RAD51B: variants seen among roughly 807,000 people sequenced by gnomAD.
The protein encoded by RAD51B is RAD51 paralog B.
Under a neutral mutation model 42.2 loss-of-function variants are expected in RAD51B, and 38 were observed. That is an observed-to-expected ratio of 0.90 (90% CI 0.70 to 1.18). RAD51B has a LOEUF of 1.18. Among genes scored for constraint, RAD51B ranks in the 50% most tolerant of loss-of-function variants. The pLI is 0.00. For synonymous variants in RAD51B, 154 were observed against 145.2 expected (o/e 1.06, Z -0.43); for missense variants, 373 against 400.7 (o/e 0.93, Z 0.59).
At chr14:67,830,195 A>G (rs1015550526) in intron 3 of RAD51B, among the ~76,000 whole-genome samples, 1 of 152,194 alleles carries the variant, frequency 6.6e-6, no homozygotes, top group Non-Finnish European at 1.5e-5. Context: ...TCCAAGAGCA[A>G]TGGAAACTCA....
intron 8 of RAD51B, among the ~76,000 whole-genome samples, chr14:68,298,270 A>G (rs960806135): frequency 6.6e-6 from 1 of 152,200 alleles, no homozygotes; most frequent in Non-Finnish European, 1.5e-5. Context: ...AGGGAGAGGA[A>G]TGTGTTGAGG....
At chr14:68,107,323 A>G (rs1013347628) in intron 7 of RAD51B, among the ~76,000 whole-genome samples, 3 of 151,904 alleles carry the variant, frequency 2.0e-5, no homozygotes, top group Non-Finnish European at 4.4e-5. Flanking sequence ...TGAAAATTAT[A>G]AAACATTGTT....
rs1047802374 is a variant in RAD51B at position 68,456,891 on chromosome 14, T to G, written c.958-11281T>G. Among the ~76,000 whole-genome samples, 4 of 67,586 alleles carry G rather than the reference T, an allele frequency of 5.9e-5. No individual in the cohort carries two copies. The East Asian group carries it at 1.2e-3, about 21-fold the overall frequency. The allele number at this position is 67,586 out of a possible 152,430, so 44.3% of individuals were successfully genotyped here. On this transcript the variant is annotated intron_variant, in intron 9 of 10. Transcript: ENST00000471583. ...ATGATTTTTTTTTTTTTTTTTTTTT[T>G]TTTTTTTTTTTTTTTTTTTTTTTTT... is the stretch of plus-strand genomic sequence containing the variant.
intron 7 of RAD51B, among the ~76,000 whole-genome samples, chr14:68,175,796 C>G (rs544438955): frequency 6.6e-6 from 1 of 152,302 alleles, no homozygotes; most frequent in Non-Finnish European, 1.5e-5. Flanking sequence ...AATCACTCTA[C>G]CGCCTTTTAT....
intron 8 of RAD51B, among the ~76,000 whole-genome samples, chr14:68,396,480 A>G (rs1298660748): frequency 6.6e-6 from 1 of 152,240 alleles, no homozygotes; most frequent in Non-Finnish European, 1.5e-5. Flanking sequence ...TTCTATTTAG[A>G]AATGTCATAA....
intron 7 of RAD51B, among the ~76,000 whole-genome samples, chr14:68,216,984 G>C (rs2079828780): frequency 6.6e-6 from 1 of 152,194 alleles, no homozygotes; most frequent in African/African-American, 2.4e-5. Context: ...TTACCTCCCA[G>C]ACTCTAATTC....
intron 7 of RAD51B, among the ~76,000 whole-genome samples, chr14:68,118,040 A>AT (rs1284687557): frequency 6.6e-6 from 1 of 152,176 alleles, no homozygotes; most frequent in Non-Finnish European, 1.5e-5. Flanking sequence ...TTTGTTCTGC[A>AT]TTTTTTTCTT....
intron 7 of RAD51B, among the ~76,000 whole-genome samples, chr14:67,963,746 A>G (rs1030093965): frequency 6.6e-6 from 1 of 152,138 alleles, no homozygotes; most frequent in African/African-American, 2.4e-5. Flanking sequence ...GGCATTTCCC[A>G]TAGAATGTAG....
At chr14:68,012,172 A>G (rs372427770) in intron 7 of RAD51B, among the ~76,000 whole-genome samples, 1 of 152,176 alleles carries the variant, frequency 6.6e-6, no homozygotes, top group Non-Finnish European at 1.5e-5. Flanking sequence ...AGTTCAGGGA[A>G]GCTTGTACTT....
intron 7 of RAD51B, among the ~76,000 whole-genome samples, chr14:68,090,668 G>A (rs994633810): frequency 6.6e-6 from 1 of 150,804 alleles, no homozygotes; most frequent in African/African-American, 2.4e-5. Flanking sequence ...GTCTGGGTCT[G>A]TATGATTTTA....
rs1433752861 is a variant in RAD51B at position 67,904,928 on chromosome 14, T to A, written c.756+17724T>A. 4.1e-5 allele frequency among the ~76,000 whole-genome samples: 6 copies of A among 145,888 alleles called. No homozygotes were observed. The East Asian group carries it at 1.2e-3, about 28-fold the overall frequency. ...TCTCTTTCATTTAACTAGATCCTAT[T>A]TGTCAGTTTTTTTTTTTTTCAATTG... On this transcript the variant is annotated intron_variant, in intron 7 of 10. Transcript: ENST00000471583.
At chr14:67,956,081 T>A (rs1262097241) in intron 7 of RAD51B, among the ~76,000 whole-genome samples, 2 of 152,228 alleles carry the variant, frequency 1.3e-5, no homozygotes, top group Non-Finnish European at 2.9e-5. Context: ...GGTTGTCTGT[T>A]TTTTAGTTTT....
intron 8 of RAD51B, among the ~76,000 whole-genome samples, chr14:68,397,673 C>CGT (rs368101566): frequency 7.2e-5 from 11 of 151,832 alleles, no homozygotes; most frequent in South Asian, 4.2e-4. Flanking sequence ...GGACACCCCT[C>CGT]GTGTGTGTGT....
chr14:67,982,205 G>A (rs1419630486), intron 7 of RAD51B, among the ~76,000 whole-genome samples: 3 of 152,056 alleles, frequency 2.0e-5, no homozygotes, highest in Non-Finnish European at 4.4e-5. Context: ...AAAGTGCTGC[G>A]ATTACAGGCA....
intron 8 of RAD51B, among the ~76,000 whole-genome samples, chr14:68,329,232 T>C (rs2082301825): frequency 6.6e-6 from 1 of 152,182 alleles, no homozygotes; most frequent in Admixed American, 6.5e-5. Context: ...GGTCTCAAAC[T>C]CCTGGCCTCA....
At chr14:68,433,192 AT>A (rs1328742659) in intron 9 of RAD51B, among the ~76,000 whole-genome samples, 8 of 151,996 alleles carry the variant, frequency 5.3e-5, no homozygotes, top group Admixed American at 3.9e-4. Context: ...TTTTTCCTTT[AT>A]TTCAACTTTG....
intron 7 of RAD51B, among the ~76,000 whole-genome samples, chr14:68,259,906 C>A (rs4902561): frequency 0.011 from 1,668 of 152,256 alleles, 81 homozygotes; most frequent in East Asian, 0.1. Context: ...CCGGGCCAGG[C>A]ATGTGTTGGG....
rs150176553 is a variant in RAD51B at position 68,677,051 on chromosome 14, CT to C, written c.*11+26196del. ...TGAGGGGAGCCAGCTATGCTCCCCC[CT>C]GTCATAGATGAGGAAACTGAGGCTC... On this transcript the variant is annotated intron_variant, in intron 11 of 11. Coordinates refer to the RAD51B transcript ENST00000488612. Among the ~76,000 whole-genome samples the C allele has an allele frequency of 2.4e-3, 367 of 152,304 alleles. 2 individuals are homozygous for C. Among genetic ancestry groups the C allele is most frequent in the African/African-American group, 8.5e-3 (352 of 41,564 alleles).
At chr14:68,452,201 A>G (rs755988593) in intron 9 of RAD51B, among the ~76,000 whole-genome samples, 2 of 152,136 alleles carry the variant, frequency 1.3e-5, no homozygotes, top group Non-Finnish European at 2.9e-5. Flanking sequence ...GGTTATTTAA[A>G]TACTCCTGAT....
Sources: allele counts gnomAD v4.1 joint callset (sites outside exome capture counted in the v4.1 genomes callset), GRCh38; gene constraint gnomAD v4.1.1; transcripts MANE v1.5; gene names NCBI Gene and HGNC (gene_info 2026-07-23, HGNC 2026-07-21).